Variants in OR7C1 observed in about 807,000 individuals in gnomAD.
OR7C1 encodes the protein olfactory receptor family 7 subfamily C member 1.
For synonymous variants in OR7C1, 152 were observed against 160.7 expected (o/e 0.95, Z 0.41); for missense variants, 324 against 383.3 (o/e 0.85, Z 1.29).
chr19:14,827,600 G>A (rs61731998), intron 1 of OR7C1: 7 of 1,614,144 alleles, frequency 4.3e-6, no homozygotes, highest in Admixed American at 3.3e-5. Context: ...AAGAGTAAAG[G>A]ATCCCAGTCA....
chr19:14,825,652 A>G (rs1365375070), intron 1 of OR7C1: 1 of 152,254 alleles, frequency 6.6e-6, no homozygotes, highest in African/African-American at 2.4e-5. Context: ...ATGTTAAGAC[A>G]GTTGGCAAGC....
chr19:14,833,124 C>T (rs1007781303), intron 1 of OR7C1, among the ~76,000 whole-genome samples: 7 of 152,138 alleles, frequency 4.6e-5, no homozygotes, highest in African/African-American at 1.7e-4. Flanking sequence ...AGCTATTTGT[C>T]TGGAATAAAT....
chr19:14,810,546 A>AT (rs71168507), intron 1 of OR7C1, among the ~76,000 whole-genome samples: 24,785 of 137,216 alleles, frequency 0.18, 2,396 homozygotes, highest in African/African-American at 0.22. Flanking sequence ...TGCCCGGCTA[A>AT]TTTTTTTTTT....
chr19:14,798,965 G>T (rs1393280373), exon 5 of OR7C1: 23 of 504,088 alleles, frequency 4.6e-5, no homozygotes, highest in Admixed American at 1.2e-4. Flanking sequence ...TGTTAGAAAA[G>T]AAATGATTTT....
chr19:14,821,093 C>T (rs902374563), intron 1 of OR7C1, among the ~76,000 whole-genome samples: 16 of 152,096 alleles, frequency 1.1e-4, no homozygotes, highest in African/African-American at 3.9e-4. Flanking sequence ...CAAAAATTAG[C>T]TGGGTGTAGT....
chr19:14,817,860 A>G (rs1366868500), intron 1 of OR7C1, among the ~76,000 whole-genome samples: 1 of 152,150 alleles, frequency 6.6e-6, no homozygotes, highest in Non-Finnish European at 1.5e-5. Flanking sequence ...ATCAGTTCAT[A>G]GTCAAGGAGT....
At chr19:14,818,062 TTTTATTTATTTA>T (rs372783648) in intron 1 of OR7C1, among the ~76,000 whole-genome samples, 74 of 139,464 alleles carry the variant, frequency 5.3e-4, no homozygotes, top group Middle Eastern at 3.6e-3. Context: ...ATTTTATTTA[TTTTATTTATTTA>T]TTTATTTATT....
intron 1 of OR7C1, among the ~76,000 whole-genome samples, chr19:14,818,826 A>G (rs963381991): frequency 2.0e-5 from 3 of 152,218 alleles, no homozygotes; most frequent in Non-Finnish European, 2.9e-5. Context: ...TAGATAGTTT[A>G]GAGAGTTTAA....
chr19:14,811,589 G>A (rs531783327), intron 1 of OR7C1, among the ~76,000 whole-genome samples: 1 of 151,476 alleles, frequency 6.6e-6, no homozygotes, highest in Non-Finnish European at 1.5e-5. Context: ...CTTTAGGGGG[G>A]CCAACATTCA....
intron 1 of OR7C1, chr19:14,827,475 A>G (rs769242223): frequency 6.2e-7 from 1 of 1,614,170 alleles, no homozygotes; most frequent in Non-Finnish European, 8.5e-7. Context: ...GTACACCCCT[A>G]GGATTGCACC....
chr19:14,800,920 C>T (rs989985921), intron 2 of OR7C1, among the ~76,000 whole-genome samples, 156 bp from the exon 3 acceptor site: 11 of 152,202 alleles, frequency 7.2e-5, no homozygotes, highest in Admixed American at 2.6e-4. Flanking sequence ...GCATTCACCA[C>T]CAGCCTGTCC....
chr19:14,813,864 T>C (rs989244962), intron 1 of OR7C1, among the ~76,000 whole-genome samples: 5 of 151,924 alleles, frequency 3.3e-5, no homozygotes, highest in Admixed American at 6.6e-5. Context: ...CAATTTGAGA[T>C]GAGATTTGGG....
intron 1 of OR7C1, among the ~76,000 whole-genome samples, chr19:14,817,246 A>G (rs1260101425): frequency 6.6e-6 from 1 of 152,160 alleles, no homozygotes; most frequent in African/African-American, 2.4e-5. Flanking sequence ...TGCACAGGAC[A>G]TGATCTCATT....
In OR7C1 at chr19:14,827,180, A is replaced by G. The variant is rs141664935; in HGVS notation, c.-623+7894T>C. 2.3e-4 allele frequency: 278 copies of G among 1,209,878 alleles called. No individual in the cohort carries two copies. In the East Asian group the frequency reaches 6.8e-3, roughly 29 times the overall value. 74.9% of individuals were successfully genotyped at this position (1,209,878 alleles called of 1,614,324 possible). A position where few individuals can be genotyped will look rare whatever the true frequency, so the allele number is the denominator to read the frequency against. On this transcript the variant is annotated intron_variant, in intron 1 of 4. Transcript: ENST00000641666. The stretch of plus-strand genomic sequence containing the variant: ...CCAGTTGAAATCACAACAAATTGAA[A>G]CTCCCAGAAATATAATAAGTATTAA...
intron 1 of OR7C1, among the ~76,000 whole-genome samples, chr19:14,812,149 A>G (rs969863160): frequency 6.6e-6 from 1 of 152,224 alleles, no homozygotes; most frequent in Non-Finnish European, 1.5e-5. Context: ...TTATTGAAAT[A>G]GCAGAGACTT....
At chr19:14,826,215 AG>A (rs1160628642) in intron 1 of OR7C1, 2 of 152,190 alleles carry the variant, frequency 1.3e-5, no homozygotes, top group Non-Finnish European at 2.9e-5. Context: ...CCATTCCCAG[AG>A]GCATGACTGG....
intron 1 of OR7C1, among the ~76,000 whole-genome samples, chr19:14,831,073 T>G (rs2044827584): frequency 6.6e-6 from 1 of 152,210 alleles, no homozygotes; most frequent in Admixed American, 6.5e-5. Context: ...TTATTATCCT[T>G]TCTCTAATTA....
chr19:14,810,755 A>G (rs1438698415), intron 1 of OR7C1, among the ~76,000 whole-genome samples: 2 of 151,828 alleles, frequency 1.3e-5, no homozygotes, highest in African/African-American at 4.9e-5. Context: ...TCTGGAGAAA[A>G]ATTAATGGGC....
exon 5 of OR7C1, chr19:14,799,320 C>T: frequency 6.2e-7 from 1 of 1,614,112 alleles, no homozygotes; most frequent in South Asian, 1.1e-5. Context: ...ACTGAGGCCA[C>T]CAGACTTGTC....
Sources: allele counts gnomAD v4.1 joint callset (sites outside exome capture counted in the v4.1 genomes callset), GRCh38; gene constraint gnomAD v4.1.1; transcripts MANE v1.5; gene names NCBI Gene and HGNC (gene_info 2026-07-23, HGNC 2026-07-21).